Variants in SEMA5A observed in about 807,000 individuals in gnomAD.
The protein encoded by SEMA5A is semaphorin 5A.
In SEMA5A, 55 loss-of-function variants were observed where a neutral mutation model predicts 135.5. The observed-to-expected ratio is 0.41, with a 90% CI of 0.33 to 0.51. The LOEUF (loss-of-function observed/expected upper bound fraction) is 0.51. Among genes scored for constraint, SEMA5A ranks in the 20% least tolerant of loss-of-function variants. SEMA5A has a pLI of 0.37. For missense variants in SEMA5A, 1,290 were observed against 1,419.9 expected (o/e 0.91, Z 1.47); for synonymous variants, 580 against 546.5 (o/e 1.06, Z -0.85).
At position 9,238,007 on chromosome 5, in the gene SEMA5A, C is replaced by A. The variant is rs1428223416; in HGVS notation, c.271-117G>T. The A allele has an allele frequency of 5.0e-6, 4 of 807,696 alleles. 1 individual carries two copies. Among genetic ancestry groups the A allele is most frequent in the Admixed American group, 4.4e-5 (2 of 45,718 alleles). 50.0% of individuals were successfully genotyped at this position (807,696 alleles called of 1,614,324 possible). On this transcript the variant is annotated intron_variant, in intron 5 of 22. Transcript: ENST00000382496. ...AGGAAATATGGCTGCATCCTGGCAC[C>A]AACATTTTCATACTCATAGAATTTA...
intron 1 of SEMA5A, among the ~76,000 whole-genome samples, chr5:9,537,702 G>T (rs1401256679): frequency 6.6e-6 from 1 of 152,138 alleles, no homozygotes; most frequent in African/African-American, 2.4e-5. Flanking sequence ...CCTGGCAAAA[G>T]GTCAATAAAG....
At chr5:9,120,756 T>C (rs951499985) in intron 14 of SEMA5A, among the ~76,000 whole-genome samples, 1 of 151,684 alleles carries the variant, frequency 6.6e-6, no homozygotes, top group Non-Finnish European at 1.5e-5. Context: ...ACTCTTCATT[T>C]TTTAAATCTT....
At chr5:9,371,961 T>G (rs561588962) in intron 3 of SEMA5A, among the ~76,000 whole-genome samples, 34 of 152,348 alleles carry the variant, frequency 2.2e-4, no homozygotes, top group African/African-American at 8.2e-4. Context: ...AGTATTAAAA[T>G]TAATGTCATG....
chr5:9,474,130 T>C (rs1759581439), intron 1 of SEMA5A, among the ~76,000 whole-genome samples: 1 of 152,052 alleles, frequency 6.6e-6, no homozygotes, highest in Non-Finnish European at 1.5e-5. Context: ...AAGGCAAGGA[T>C]GCTGACAGAA....
In SEMA5A at chr5:9,108,137, C is replaced by T; in HGVS notation, c.2073+3G>A. 3 of 1,613,400 alleles carry T rather than the reference C, an allele frequency of 1.9e-6. No individual in the cohort carries two copies. The highest frequency in any genetic ancestry group is 1.1e-5 in the South Asian group (1 of 90,936). On this transcript the variant is annotated splice_donor_region_variant and intron_variant, in intron 16 of 22. Coordinates refer to ENST00000382496, the MANE Select transcript of SEMA5A (RefSeq NM_003966.3). Reference sequence around the variant, plus strand: ...GGCTGGGTGTGAGAAGAAGGCTACTCACCACATTGCAGCCTGCACAGTCAG... The same window carrying T: ...GGCTGGGTGTGAGAAGAAGGCTACTTACCACATTGCAGCCTGCACAGTCAG...
At chr5:9,508,429 T>C (rs71597591) in intron 1 of SEMA5A, among the ~76,000 whole-genome samples, 2 of 152,226 alleles carry the variant, frequency 1.3e-5, no homozygotes, top group Admixed American at 1.3e-4. Context: ...TGATCGCTCC[T>C]TGCTGCAATC....
Position 9,201,959 on chromosome 5 carries a change from T to G in SEMA5A, c.928A>C (p.Asn310His). 2.5e-6 allele frequency: 4 copies of G among 1,613,404 alleles called. No homozygotes were observed. Among genetic ancestry groups the G allele is most frequent in the Non-Finnish European group, 3.4e-6 (4 of 1,179,410 alleles). The change falls in exon 9 of 23, where the codon AAT (asparagine) becomes CAT (histidine). Residue 310 changes from asparagine to histidine, a missense_variant. Physicochemically the swap from Asn to His is moderately conservative, Grantham distance 68 (BLOSUM62 1). Coordinates refer to ENST00000382496, the MANE Select transcript of SEMA5A (RefSeq NM_003966.3). ...AAATTATTTCAAGTTACATACACAT[T>G]GGTGGTAAAGATGCCATAGATCAAA... ...LDLIYGIFTT[N>H]VNSIAASAVC...
intron 12 of SEMA5A, among the ~76,000 whole-genome samples, chr5:9,139,048 C>T (rs940212491): frequency 1.5e-4 from 23 of 152,170 alleles, no homozygotes; most frequent in African/African-American, 5.5e-4. Flanking sequence ...AATTGTGCTG[C>T]TATAAACATG....
At chr5:9,117,222 C>A (rs556467737) in intron 15 of SEMA5A, among the ~76,000 whole-genome samples, 1 of 152,142 alleles carries the variant, frequency 6.6e-6, no homozygotes, top group Non-Finnish European at 1.5e-5. Context: ...TGCAAACGTA[C>A]GCATATGTTA....
intron 10 of SEMA5A, 87 bp downstream of exon 10, chr5:9,197,081 G>A (rs922034076): frequency 2.0e-5 from 31 of 1,569,848 alleles, no homozygotes; most frequent in East Asian, 1.1e-4. Context: ...TGCACCCGCG[G>A]TTTAAATTAC....
intron 13 of SEMA5A, among the ~76,000 whole-genome samples, chr5:9,131,365 T>G (rs1741401758): frequency 6.6e-6 from 1 of 151,866 alleles, no homozygotes; most frequent in Admixed American, 6.6e-5. Context: ...TCCCAGCACT[T>G]TGGGAGGCCG....
At chr5:9,500,700 G>A (rs1475749367) in intron 1 of SEMA5A, among the ~76,000 whole-genome samples, 2 of 152,184 alleles carry the variant, frequency 1.3e-5, no homozygotes, top group Non-Finnish European at 2.9e-5. Context: ...GCAGTATATA[G>A]GGTATACTTA....
intron 8 of SEMA5A, among the ~76,000 whole-genome samples, chr5:9,214,658 G>T (rs1323323205): frequency 6.6e-6 from 1 of 152,150 alleles, no homozygotes; most frequent in Non-Finnish European, 1.5e-5. Context: ...TTTGCCTGAA[G>T]ATTAGTTCTG....
intron 13 of SEMA5A, among the ~76,000 whole-genome samples, chr5:9,129,505 C>T (rs192983893): frequency 6.6e-6 from 1 of 152,310 alleles, no homozygotes; most frequent in African/African-American, 2.4e-5. Context: ...TGAGTATATT[C>T]GTGTAAGAAT....
chr5:9,509,768 G>A (rs770647037), intron 1 of SEMA5A, among the ~76,000 whole-genome samples: 3 of 152,108 alleles, frequency 2.0e-5, no homozygotes, highest in Non-Finnish European at 4.4e-5. Flanking sequence ...GCTCTCACTA[G>A]ATAGTTTTTC....
chr5:9,411,137 C>T (rs6879538), intron 2 of SEMA5A, among the ~76,000 whole-genome samples: 40,122 of 152,028 alleles, frequency 0.26, 6,168 homozygotes, highest in South Asian at 0.38. Context: ...CTACCCCAGG[C>T]AAAAGAAACA....
intron 5 of SEMA5A, among the ~76,000 whole-genome samples, chr5:9,255,959 G>A (rs1749048415): frequency 6.6e-6 from 1 of 152,010 alleles, no homozygotes; most frequent in Non-Finnish European, 1.5e-5. Context: ...TCTGGTCAAA[G>A]GTATACAAGT....
chr5:9,462,547 T>G (rs1305562932), intron 1 of SEMA5A, among the ~76,000 whole-genome samples: 2 of 152,162 alleles, frequency 1.3e-5, no homozygotes, highest in Non-Finnish European at 2.9e-5. Context: ...GCAGCACTAT[T>G]CACAATAGCA....
intron 1 of SEMA5A, among the ~76,000 whole-genome samples, chr5:9,479,914 A>G (rs1450649154): frequency 1.3e-5 from 2 of 152,246 alleles, no homozygotes; most frequent in Non-Finnish European, 2.9e-5. Context: ...ATTCATCAGT[A>G]TAACAGGCAC....
Sources: gnomAD v4.1 joint callset for allele counts (sites outside exome capture counted in the v4.1 genomes callset) on GRCh38, gnomAD v4.1.1 for gene constraint, MANE v1.5 for transcripts, NCBI Gene and HGNC (gene_info 2026-07-23, HGNC 2026-07-21) for gene names.